TNNI3K: variants seen among roughly 807,000 people sequenced by gnomAD.
TNNI3K encodes serine/threonine-protein kinase TNNI3K.
In TNNI3K, 140 loss-of-function variants were observed where a neutral mutation model predicts 114.5. The ratio of observed to expected loss-of-function variants is 1.22; its 90% confidence interval spans 1.07 to 1.41. TNNI3K has a LOEUF of 1.41. TNNI3K is among the 40% of genes most tolerant of loss of function. The pLI is 0.00. For missense variants in TNNI3K, 1,125 were observed against 1,007.6 expected, an observed-to-expected ratio of 1.12 and a Z score of -1.58; for synonymous variants, 347 against 347.5, an observed-to-expected ratio of 1.00 and a Z score of 0.02.
intron 7 of TNNI3K, among the ~76,000 whole-genome samples, chr1:74,338,244 T>C (rs936605914): frequency 1.3e-5 from 2 of 151,960 alleles, no homozygotes; most frequent in East Asian, 3.8e-4. Flanking sequence ...ATTACTATAC[T>C]TTTTAATAGA....
At chr1:74,311,455 G>A (rs1416004185) in intron 5 of TNNI3K, among the ~76,000 whole-genome samples, 1 of 152,222 alleles carries the variant, frequency 6.6e-6, no homozygotes, top group South Asian at 2.1e-4. Flanking sequence ...TAATGAACTA[G>A]GGCTAGGATT....
intron 20 of TNNI3K, among the ~76,000 whole-genome samples, chr1:74,455,322 A>G (rs1380656746): frequency 6.6e-6 from 1 of 152,176 alleles, no homozygotes; most frequent in Non-Finnish European, 1.5e-5. Context: ...ATCCAGCAGA[A>G]AGCTGTATCA....
At chr1:74,294,277 G>A (rs2100297874) in intron 5 of TNNI3K, among the ~76,000 whole-genome samples, 1 of 151,636 alleles carries the variant, frequency 6.6e-6, no homozygotes, top group South Asian at 2.1e-4. Flanking sequence ...TCTATTCTTT[G>A]GAAAAGTTTG....
At chr1:74,411,946 T>C (rs927268249) in intron 17 of TNNI3K, among the ~76,000 whole-genome samples, 2 of 152,054 alleles carry the variant, frequency 1.3e-5, no homozygotes, top group African/African-American at 4.8e-5. Context: ...TTAAGAAATA[T>C]AAAATAAAAT....
chr1:74,522,051 T>A (rs1392765901), intron 23 of TNNI3K, among the ~76,000 whole-genome samples: 1 of 152,134 alleles, frequency 6.6e-6, no homozygotes, highest in Admixed American at 6.5e-5. Flanking sequence ...TGACAGACAG[T>A]AATTACTATC....
Position 74,490,042 on chromosome 1 carries a change from T to A in TNNI3K, c.2181+794T>A, listed in dbSNP as rs1286198881. On this transcript the variant is annotated intron_variant, in intron 22 of 24. Coordinates refer to ENST00000326637, the MANE Select transcript of TNNI3K (RefSeq NM_015978.3). Reference sequence around the variant, plus strand: ...TGGAACCATCAAGAAAAGCAGGATTTTTTTTTCTAAAAAAAAAAAAAAAAA... The same window carrying A: ...TGGAACCATCAAGAAAAGCAGGATTATTTTTTCTAAAAAAAAAAAAAAAAA... Among the ~76,000 whole-genome samples the A allele has an allele frequency of 9.8e-4, 143 of 145,780 alleles. 1 individual carries two copies. The highest frequency in any genetic ancestry group is 3.2e-3 in the African/African-American group (127 of 39,088).
intron 18 of TNNI3K, 125 bp downstream of exon 18, chr1:74,436,257 C>A: frequency 7.8e-7 from 1 of 1,288,838 alleles, no homozygotes; most frequent in Non-Finnish European, 1.1e-6. Flanking sequence ...ACACTGACAG[C>A]TATCCTACCA....
chr1:74,471,925 A>G (rs952889257), intron 21 of TNNI3K: 1 of 495,388 alleles, frequency 2.0e-6, no homozygotes, highest in Non-Finnish European at 3.6e-6. Context: ...GTTTGGCTGA[A>G]AATACCTAGG....
At chr1:74,373,824 A>G (rs1662736729) in intron 17 of TNNI3K, 1 of 151,862 alleles carries the variant, frequency 6.6e-6, no homozygotes, top group East Asian at 1.9e-4. Context: ...TACTTTTCCC[A>G]TGGCAAGCAA....
At chr1:74,471,780 A>T (rs1028429241) in intron 21 of TNNI3K, 1 of 420,186 alleles carries the variant, frequency 2.4e-6, no homozygotes, top group Non-Finnish European at 4.2e-6. Context: ...CCTCACTCAT[A>T]AGAAATTTTT....
intron 17 of TNNI3K, among the ~76,000 whole-genome samples, chr1:74,399,071 G>T (rs924244004): frequency 6.7e-6 from 1 of 149,344 alleles, no homozygotes; most frequent in Non-Finnish European, 1.5e-5. Flanking sequence ...CAGGAGAATC[G>T]CTTGAACCCG....
chr1:74,443,550 A>G (rs1666481064), intron 20 of TNNI3K, among the ~76,000 whole-genome samples: 1 of 152,148 alleles, frequency 6.6e-6, no homozygotes, highest in African/African-American at 2.4e-5. Flanking sequence ...CCAGGACCAG[A>G]CGGATTTACA....
intron 20 of TNNI3K, among the ~76,000 whole-genome samples, chr1:74,452,045 G>A (rs1027947700): frequency 2.0e-5 from 3 of 151,702 alleles, no homozygotes; most frequent in African/African-American, 4.8e-5. Flanking sequence ...TAAAATTATT[G>A]TATGGCTTCC....
chr1:74,446,227 C>A (rs1309240957), intron 20 of TNNI3K, among the ~76,000 whole-genome samples: 1 of 151,822 alleles, frequency 6.6e-6, no homozygotes, highest in Non-Finnish European at 1.5e-5. Flanking sequence ...GTAATGATTG[C>A]CATTCTAACT....
At chr1:74,447,458 C>G (rs1666756002) in intron 20 of TNNI3K, among the ~76,000 whole-genome samples, 1 of 144,030 alleles carries the variant, frequency 6.9e-6, no homozygotes, top group South Asian at 2.2e-4. Context: ...AGGACATGAA[C>G]AGACACTTCT....
At chr1:74,429,670 C>T (rs544695212) in intron 17 of TNNI3K, among the ~76,000 whole-genome samples, 5 of 152,236 alleles carry the variant, frequency 3.3e-5, no homozygotes, top group East Asian at 3.9e-4. Context: ...GCCAGCAGAT[C>T]GGAAGACCAG....
rs995829660 is a variant in TNNI3K at position 74,488,379 on chromosome 1, A to G, written c.2122-810A>G. On this transcript the variant is annotated intron_variant, in intron 21 of 24. Transcript: ENST00000326637. ...TAGATAGTAAGGGAGAAATTGTTCT[A>G]CTAAGAATCTAAATTATTTGGTTAC... Among the ~76,000 whole-genome samples, 6 of 152,298 alleles carry G rather than the reference A, an allele frequency of 3.9e-5. No individual in the cohort carries two copies. The East Asian group carries it at 9.7e-4, about 25-fold the overall frequency.
intron 23 of TNNI3K, among the ~76,000 whole-genome samples, chr1:74,519,662 ATAAAG>A (rs1269706496): frequency 2.6e-5 from 4 of 152,238 alleles, no homozygotes; most frequent in Admixed American, 1.3e-4. Context: ...AATCTTTTTT[ATAAAG>A]TAAATAGTCT....
chr1:74,451,067 C>G (rs1285934357), intron 20 of TNNI3K, among the ~76,000 whole-genome samples: 2 of 152,026 alleles, frequency 1.3e-5, no homozygotes, highest in African/African-American at 2.4e-5. Context: ...TATTATGCTG[C>G]CATAAAAAGG....
Sources: allele counts gnomAD v4.1 joint callset (sites outside exome capture counted in the v4.1 genomes callset), GRCh38; gene constraint gnomAD v4.1.1; transcripts MANE v1.5; gene names NCBI Gene and HGNC (gene_info 2026-07-23, HGNC 2026-07-21).